Variants in ABCC4 observed in about 807,000 individuals in gnomAD.
ABCC4 encodes the protein ATP binding cassette subfamily C member 4 (PEL blood group), also known as ATP-binding cassette sub-family C member 4.
In ABCC4, 102 loss-of-function variants were observed where a neutral mutation model predicts 168.5. That is an observed-to-expected ratio of 0.61 (90% CI 0.52 to 0.71). ABCC4 has a LOEUF of 0.71. Among genes scored for constraint, ABCC4 ranks in the 30% least tolerant of loss-of-function variants. The pLI, the probability that ABCC4 is intolerant of heterozygous loss-of-function variation, is 0.00. For synonymous variants in ABCC4, 617 were observed against 590.7 expected, an observed-to-expected ratio of 1.04 and a Z score of -0.65; for missense variants, 1,402 against 1,605.8, an observed-to-expected ratio of 0.87 and a Z score of 2.17.
chr13:95,215,722 CAA>C (rs1309130179), intron 4 of ABCC4, among the ~76,000 whole-genome samples: 1 of 152,096 alleles, frequency 6.6e-6, no homozygotes, highest in Non-Finnish European at 1.5e-5. Context: ...TGAATATTAA[CAA>C]TATTTCTAAA....
chr13:95,057,133 T>C (rs1489667706), intron 26 of ABCC4, among the ~76,000 whole-genome samples: 1 of 152,222 alleles, frequency 6.6e-6, no homozygotes, highest in Non-Finnish European at 1.5e-5. Flanking sequence ...AAAAGAAGCA[T>C]ACATTTCAGC....
chr13:95,176,535 T>C (rs1298938522), intron 13 of ABCC4, among the ~76,000 whole-genome samples: 1 of 152,098 alleles, frequency 6.6e-6, no homozygotes, highest in African/African-American at 2.4e-5. Context: ...TATATTGAAA[T>C]CCCCTAAGCC....
At chr13:95,258,686 G>C (rs1326381805) in intron 1 of ABCC4, among the ~76,000 whole-genome samples, 1 of 152,080 alleles carries the variant, frequency 6.6e-6, no homozygotes, top group Non-Finnish European at 1.5e-5. Flanking sequence ...GAACGAGTGA[G>C]TGACTCTCCA....
intron 9 of ABCC4, among the ~76,000 whole-genome samples, chr13:95,191,318 C>G (rs1175896764): frequency 2.0e-5 from 3 of 152,050 alleles, no homozygotes; most frequent in African/African-American, 7.2e-5. Flanking sequence ...AAAACTGACC[C>G]CTTATGTGTC....
At chr13:95,227,858 C>T (rs9590206) in intron 4 of ABCC4, among the ~76,000 whole-genome samples, 2,712 of 152,166 alleles carry the variant, frequency 0.018, 80 homozygotes, top group African/African-American at 0.062. Flanking sequence ...CACAGGCGTG[C>T]ACCACCATGC....
intron 9 of ABCC4, among the ~76,000 whole-genome samples, chr13:95,194,175 A>T (rs1002161798): frequency 6.6e-6 from 1 of 152,170 alleles, no homozygotes; most frequent in Non-Finnish European, 1.5e-5. Flanking sequence ...CCATTTGCCT[A>T]AATGTTATGA....
Position 95,228,121 on chromosome 13 carries a change from C to T in ABCC4, c.531+6489G>A, listed in dbSNP as rs115220020. ...CAAAAGTTCTGTTTTAAAACTAAGA[C>T]CACAACACTGTATGGCTCAGTTGCT... On this transcript the variant is annotated intron_variant, in intron 4 of 30. Coordinates refer to ENST00000645237, the MANE Select transcript of ABCC4 (RefSeq NM_005845.5). Among the ~76,000 whole-genome samples the T allele has an allele frequency of 2.3e-3, 354 of 152,234 alleles. 2 individuals carry two copies. Among genetic ancestry groups the T allele is most frequent in the African/African-American group, 8.3e-3 (345 of 41,530 alleles).
rs1438871287 is a variant in ABCC4 at position 95,218,945 on chromosome 13, GAA to G, written c.532-8166_532-8165del. 1.8e-3 allele frequency among the ~76,000 whole-genome samples: 56 copies of G among 30,692 alleles called. 2 individuals are homozygous for G. Among genetic ancestry groups the G allele is most frequent in the African/African-American group, 9.2e-3 (51 of 5,518 alleles). The allele number at this position is 30,692 out of a possible 152,430, so 20.1% of individuals were successfully genotyped here. ...AAAGAAAGAGAAAGAAAGAAAGAAA[GAA>G]AGAAAGAAAGAAAGAAAGAAAGAAA... On this transcript the variant is annotated intron_variant, in intron 4 of 30. Coordinates refer to ENST00000645237, the MANE Select transcript of ABCC4 (RefSeq NM_005845.5).
intron 1 of ABCC4, chr13:95,269,327 G>A (rs1225554773): frequency 4.4e-6 from 2 of 455,546 alleles, no homozygotes; most frequent in African/African-American, 4.0e-5. Flanking sequence ...TCTGGTGGCT[G>A]AGGCAGGAGG....
chr13:95,054,020 C>CTTTTTTTTTTTTTTTT (rs1566375296), intron 26 of ABCC4: 1 of 73,168 alleles, frequency 1.4e-5, no homozygotes, highest in Non-Finnish European at 2.4e-5. Flanking sequence ...AATGGGACAT[C>CTTTTTTTTTTTTTTTT]CTTTTTTTTT....
chr13:95,186,645 T>A (rs2038069997), intron 11 of ABCC4, 56 bp downstream of exon 11: 1 of 1,493,154 alleles, frequency 6.7e-7, no homozygotes, highest in South Asian at 1.3e-5. Flanking sequence ...GTTGTTCAAG[T>A]GAACACTAGT....
rs534686561 is a variant in ABCC4 at position 95,241,627 on chromosome 13, T to A, written c.306+5348A>T. On this transcript the variant is annotated intron_variant, in intron 3 of 30. Coordinates refer to ENST00000645237, the MANE Select transcript of ABCC4 (RefSeq NM_005845.5). ...CATAGGGGACAGATGTGCTGGAAAT[T>A]TGCGGGCTGTTCTGTTCTAATTAGC... Among the ~76,000 whole-genome samples the A allele has an allele frequency of 9.2e-5, 14 of 152,204 alleles. No homozygotes were observed. In the South Asian group the frequency reaches 2.9e-3, roughly 32 times the overall value.
intron 1 of ABCC4, among the ~76,000 whole-genome samples, chr13:95,283,675 T>C (rs938022922): frequency 6.6e-6 from 1 of 152,050 alleles, no homozygotes; most frequent in South Asian, 2.1e-4. Flanking sequence ...CCCAGCACTT[T>C]GGGAGGCCGA....
chr13:95,022,590 T>G (rs1416700820), intron 30 of ABCC4, among the ~76,000 whole-genome samples: 1 of 152,210 alleles, frequency 6.6e-6, no homozygotes, highest in African/African-American at 2.4e-5. Context: ...AAATGTAATT[T>G]TTTTTCCCCA....
intron 4 of ABCC4, among the ~76,000 whole-genome samples, chr13:95,225,196 CACACACAG>C: frequency 6.9e-6 from 1 of 144,572 alleles, no homozygotes; most frequent in East Asian, 2.0e-4. Context: ...CACACACACA[CACACACAG>C]AGTATATTTG....
intron 3 of ABCC4, among the ~76,000 whole-genome samples, chr13:95,245,199 T>A (rs1179376245): frequency 6.6e-6 from 1 of 152,150 alleles, no homozygotes; most frequent in African/African-American, 2.4e-5. Context: ...ACAAGCTCAG[T>A]TCCTTCTAAA....
Position 95,074,219 on chromosome 13 carries a change from G to A in ABCC4, c.2912C>T (p.Ala971Val). 6.2e-7 allele frequency: 1 copy of A among 1,607,604 alleles called. No individual in the cohort carries two copies. The highest frequency in any genetic ancestry group is 8.5e-7 in the Non-Finnish European group (1 of 1,177,016). Residue 971 changes from alanine to valine, a missense_variant, in exon 23 of 31, where the codon GCA becomes GTA. Ala to Val is a moderately conservative substitution (Grantham distance 64, BLOSUM62 0). Transcript: ENST00000645237. ...TTATTCACATCTGTACTTACTTTTT[G>A]CCAGAATCAGGGACCCAAAGGCAAC... ...IIVAFGSLILAKTLDAGQVGL... is the reference protein window; with the variant it reads ...IIVAFGSLILVKTLDAGQVGL...
At chr13:95,079,130 G>C (rs1426200506) in intron 21 of ABCC4, among the ~76,000 whole-genome samples, 1 of 152,162 alleles carries the variant, frequency 6.6e-6, no homozygotes, top group Non-Finnish European at 1.5e-5. Context: ...TGCCAGTGAG[G>C]GTGAGCTGGG....
intron 20 of ABCC4, among the ~76,000 whole-genome samples, chr13:95,092,728 A>T (rs955918849): frequency 6.6e-6 from 1 of 152,184 alleles, no homozygotes; most frequent in Non-Finnish European, 1.5e-5. Context: ...AACTAAGATC[A>T]GAGCAGAACT....
Sources: gnomAD v4.1 joint callset for allele counts (sites outside exome capture counted in the v4.1 genomes callset) on GRCh38, gnomAD v4.1.1 for gene constraint, MANE v1.5 for transcripts, NCBI Gene and HGNC (gene_info 2026-07-23, HGNC 2026-07-21) for gene names.